Variants in CDT1 observed in about 807,000 individuals in gnomAD.
CDT1 encodes chromatin licensing and DNA replication factor 1, also known as DNA replication factor Cdt1.
Under a neutral mutation model 49.3 loss-of-function variants are expected in CDT1, and 66 were observed. The observed-to-expected ratio is 1.34, with a 90% CI of 1.10 to 1.64. CDT1 has a LOEUF of 1.64. Among genes scored for constraint, CDT1 ranks in the 40% most tolerant of loss-of-function variants. The probability of loss-of-function intolerance (pLI) is 0.00; values close to 1 mark genes in which losing one functional copy is unlikely to be tolerated. For synonymous variants in CDT1, 424 were observed against 347.4 expected (o/e 1.22, Z -2.45); for missense variants, 958 against 807.7 (o/e 1.19, Z -2.26).
Position 88,808,365 on chromosome 16 carries a change from T to G in CDT1, c.*87T>G, listed in dbSNP as rs562482200. 20 of 1,450,204 alleles carry G rather than the reference T, an allele frequency of 1.4e-5. No homozygotes were observed. The African/African-American group carries it at 2.7e-4, about 19-fold the overall frequency. 89.8% of individuals were successfully genotyped at this position (1,450,204 alleles called of 1,614,324 possible). A position where few individuals can be genotyped will look rare whatever the true frequency, so the allele number is the denominator to read the frequency against. ...ATTTTCTTTTATGAACATGATACAC[T>G]TTGGCCTTCCTTTCCCCAGCGCCCC... On this transcript the variant is annotated 3_prime_UTR_variant, in exon 10 of 10. Transcript: ENST00000301019.
In CDT1 at chr16:88,804,192, C is replaced by T. The variant is rs1022140368; in HGVS notation, c.228+133C>T. On this transcript the variant is annotated intron_variant, in intron 1 of 9. Coordinates refer to ENST00000301019, the MANE Select transcript of CDT1 (RefSeq NM_030928.4). The stretch of plus-strand genomic sequence containing the variant: ...GGCGGGGGGGACGGGGCGCAGGGAA[C>T]TCTGGGACAGGCCGGGGGATCCTGG... 14 of 720,264 alleles carry T rather than the reference C, an allele frequency of 1.9e-5. No homozygotes were observed. In the East Asian group the frequency reaches 4.1e-4, roughly 21 times the overall value. 44.6% of individuals were successfully genotyped at this position (720,264 alleles called of 1,614,324 possible). A position where few individuals can be genotyped will look rare whatever the true frequency, so the allele number is the denominator to read the frequency against.
rs566235264 is a variant in CDT1, at chr16:88,806,018, C to T, written c.833-3C>T. ...GGGACTTAGGCCTGGACTCGTCCCACAGAGGCTGACGGAGCAGCCCCCCAG... is the reference window on the plus strand; with the variant it reads ...GGGACTTAGGCCTGGACTCGTCCCATAGAGGCTGACGGAGCAGCCCCCCAG... On this transcript the variant is annotated splice_polypyrimidine_tract_variant and splice_region_variant and intron_variant, in intron 5 of 9. Coordinates refer to ENST00000301019, the MANE Select transcript of CDT1 (RefSeq NM_030928.4). The T allele has an allele frequency of 1.0e-4, 161 of 1,589,290 alleles. 6 individuals are homozygous for T. In the South Asian group the frequency reaches 1.8e-3, roughly 18 times the overall value.
Position 88,806,118 on chromosome 16 carries a change from C to T in CDT1, c.930C>T (p.His310=). 1 of 1,596,038 alleles carries T rather than the reference C, an allele frequency of 6.3e-7. No homozygotes were observed. Among genetic ancestry groups the T allele is most frequent in the Admixed American group, 1.7e-5 (1 of 58,974 alleles). ...QKLVEHVKEH[H]KAFLASLSPA... is the part of the protein sequence containing the mutation. ...TGGTGGAGCATGTCAAGGAGCACCA[C>T]AAGGTGAGCGGCCCCCGGCCCCGCT... is the stretch of plus-strand genomic sequence containing the variant. Residue 310 remains histidine, a synonymous_variant, in exon 6 of 10, where the codon CAC becomes CAT. Coordinates refer to ENST00000301019, the MANE Select transcript of CDT1 (RefSeq NM_030928.4).
chr16:88,806,989 GCAGA>G, intron 7 of CDT1, 58 bp from the exon 8 acceptor site: 5 of 1,604,702 alleles, frequency 3.1e-6, no homozygotes, highest in Non-Finnish European at 4.3e-6. Context: ...GGACTCCTGG[GCAGA>G]CAGCCAGGGG....
At chr16:88,804,446 C>A in intron 1 of CDT1, 99 bp from the exon 2 acceptor site, 1 of 1,469,434 alleles carries the variant, frequency 6.8e-7, no homozygotes, top group Non-Finnish European at 9.3e-7. Context: ...CATGCCCGTC[C>A]CAGTTAACTC....
intron 9 of CDT1, among the ~76,000 whole-genome samples, chr16:88,807,832 C>T (rs746871043): frequency 3.3e-4 from 51 of 152,342 alleles, no homozygotes; most frequent in Non-Finnish European, 5.1e-4. Flanking sequence ...GGGGTCCTGA[C>T]GCTACAGGGC....
intron 3 of CDT1, among the ~76,000 whole-genome samples, chr16:88,805,169 CCT>C (rs949178009): frequency 9.2e-5 from 14 of 152,266 alleles, no homozygotes; most frequent in African/African-American, 3.4e-4. Flanking sequence ...TGCCTCTGCC[CCT>C]GAGAGCTGAC....
rs367849928 is a variant in CDT1 at position 88,804,883 on chromosome 16, G to A, written c.473G>A (p.Arg158His). The change falls in exon 3 of 10, where the codon CGC (arginine) becomes CAC (histidine). Residue 158 changes from arginine (R) to histidine (H), a missense_variant. Physicochemically the swap from Arg to His is conservative, Grantham distance 29. Transcript: ENST00000301019. ...GESCTPEAEG[R>H]PEEPCGEKAP... ...TCCTGCACCCCAGAGGCCGAGGGCC[G>A]CCCTGAGGAGCCATGGTGAGTGCTG... is the stretch of plus-strand genomic sequence containing the variant. The A allele has an allele frequency of 9.6e-5, 151 of 1,578,644 alleles. 1 individual carries two copies. In the Middle Eastern group the frequency reaches 1.7e-3, roughly 17 times the overall value.
rs541685901 is a variant in CDT1 at position 88,807,552 on chromosome 16, TTC to T, written c.1477+72_1477+73del. The stretch of plus-strand genomic sequence containing the variant: ...TGGTGCTGCAGCTGCCTCCCCAGCT[TTC>T]TGAGCAGAGGTGTCTGTCACTGATC... On this transcript the variant is annotated intron_variant, in intron 9 of 9. Coordinates refer to ENST00000301019, the MANE Select transcript of CDT1 (RefSeq NM_030928.4). 9,816 of 1,416,256 alleles carry T rather than the reference TTC, an allele frequency of 6.9e-3. 40 individuals are homozygous for T. The highest frequency in any genetic ancestry group is 8.3e-3 in the Non-Finnish European group (8,395 of 1,015,866). The allele number at this position is 1,416,256 out of a possible 1,614,324, so 87.7% of individuals were successfully genotyped here.
Position 88,804,199 on chromosome 16 carries a change from A to T in CDT1, c.228+140A>T, listed in dbSNP as rs2142941235. On this transcript the variant is annotated intron_variant, in intron 1 of 9. Coordinates refer to ENST00000301019, the MANE Select transcript of CDT1 (RefSeq NM_030928.4). ...GGGACGGGGCGCAGGGAACTCTGGG[A>T]CAGGCCGGGGGATCCTGGGGGCGCC... 3 of 686,912 alleles carry T rather than the reference A, an allele frequency of 4.4e-6. No individual in the cohort carries two copies. The East Asian group carries it at 1.0e-4, about 24-fold the overall frequency. 42.6% of individuals were successfully genotyped at this position (686,912 alleles called of 1,614,324 possible).
Position 88,804,801 on chromosome 16 carries a change from CG to C in CDT1, c.394del (p.Glu132SerfsTer9). The stretch of plus-strand genomic sequence containing the variant: ...GCTTGCGTCATGCCTGCAACGGGCC[CG>C]GGAGCTGGGGGCAAGAGTCCGGGCG... The part of the protein sequence containing the change: ...SELASCLQRA[R>X]ELGARVRALK... On this transcript the variant is annotated frameshift_variant, in exon 3 of 10. Coordinates refer to ENST00000301019, the MANE Select transcript of CDT1 (RefSeq NM_030928.4). LOFTEE classifies it high-confidence loss of function. 1.9e-6 allele frequency: 3 copies of C among 1,612,738 alleles called. No individual in the cohort carries two copies. Among genetic ancestry groups the C allele is most frequent in the Non-Finnish European group, 2.5e-6 (3 of 1,179,868 alleles).
chr16:88,803,952 G>C lies in CDT1; in HGVS notation c.121G>C (p.Ala41Pro). ...SPARPALRAP[A>P]SATSGSRKRA... Reference sequence around the variant, plus strand: ...CGCCAGGCCCGCACTCCGCGCCCCGGCCTCCGCTACCAGTGGCAGCCGCAA... The same window carrying C: ...CGCCAGGCCCGCACTCCGCGCCCCGCCCTCCGCTACCAGTGGCAGCCGCAA... Residue 41 changes from alanine to proline, a missense_variant, in exon 1 of 10, where the codon GCC (alanine) becomes CCC (proline). Ala to Pro is a conservative substitution (Grantham distance 27). Transcript: ENST00000301019. 7.1e-7 allele frequency: 1 copy of C among 1,412,152 alleles called. No homozygotes were observed. The highest frequency in any genetic ancestry group is 1.5e-5 in the African/African-American group (1 of 65,870). The allele number at this position is 1,412,152 out of a possible 1,614,324, so 87.5% of individuals were successfully genotyped here.
rs1567503092 is a variant in CDT1, at chr16:88,808,141, C to T, written c.1504C>T (p.Leu502Phe). ...GGAAATGGAGAAGCACCTGCTGCTC[C>T]TCTCCGAGCTGCTGCCGGACTGGCT... is the stretch of plus-strand genomic sequence containing the variant. Reference protein sequence around the residue: ...PGEMEKHLLLLSELLPDWLSL... With the variant: ...PGEMEKHLLLFSELLPDWLSL... The change falls in exon 10 of 10, where the codon CTC becomes TTC. Residue 502 changes from leucine to phenylalanine, a missense_variant. Transcript: ENST00000301019. The T allele has an allele frequency of 6.2e-7, 1 of 1,612,768 alleles. No homozygotes were observed. Among genetic ancestry groups the T allele is most frequent in the East Asian group, 2.2e-5 (1 of 44,876 alleles).
At chr16:88,807,647 T>C (rs903236572) in intron 9 of CDT1, among the ~76,000 whole-genome samples, 165 bp downstream of exon 9, 5 of 152,176 alleles carry the variant, frequency 3.3e-5, no homozygotes, top group Non-Finnish European at 7.4e-5. Context: ...TCTGCCCTCC[T>C]TGGAGCCACC....
intron 9 of CDT1, 104 bp downstream of exon 9, chr16:88,807,586 G>C: frequency 8.6e-7 from 1 of 1,157,592 alleles, no homozygotes; most frequent in Non-Finnish European, 1.3e-6. Flanking sequence ...GATCTGTTCT[G>C]TTCAGATGTG....
chr16:88,807,268 G>C lies in CDT1; in HGVS notation c.1276-13G>C, dbSNP rs752344763. On this transcript the variant is annotated splice_polypyrimidine_tract_variant and intron_variant, in intron 8 of 9. Coordinates refer to ENST00000301019, the MANE Select transcript of CDT1 (RefSeq NM_030928.4). The stretch of plus-strand genomic sequence containing the variant: ...CCTGCTGCCCACTAACCAGGTCCCG[G>C]TACCTGCTGCAGATCCGAGCCAAGG... 25 of 1,611,698 alleles carry C rather than the reference G, an allele frequency of 1.6e-5. No homozygotes were observed. The highest frequency in any genetic ancestry group is 2.0e-5 in the Non-Finnish European group (24 of 1,179,808).
In CDT1 at chr16:88,804,571, C is replaced by T. The variant is rs1307454251; in HGVS notation, c.255C>T (p.Ala85=). The part of the protein sequence containing the change: ...DEVSSPSTPE[A]PDIPACPSPG... The stretch of plus-strand genomic sequence containing the variant: ...TTTCCAGCCCCAGTACCCCCGAGGC[C>T]CCAGACATCCCAGCCTGCCCTTCTC... Residue 85 remains alanine, a synonymous_variant, in exon 2 of 10, where the codon GCC becomes GCT. Transcript: ENST00000301019. The T allele has an allele frequency of 6.2e-7, 1 of 1,613,008 alleles. No homozygotes were observed. The highest frequency in any genetic ancestry group is 1.7e-5 in the Admixed American group (1 of 60,006).
At position 88,807,253 on chromosome 16, in the gene CDT1, A is replaced by G. The variant is rs1294772266; in HGVS notation, c.1276-28A>G. 4.3e-6 allele frequency: 7 copies of G among 1,611,346 alleles called. No homozygotes were observed. In the East Asian group the frequency reaches 1.3e-4, roughly 31 times the overall value. On this transcript the variant is annotated intron_variant, in intron 8 of 9. Coordinates refer to ENST00000301019, the MANE Select transcript of CDT1 (RefSeq NM_030928.4). The stretch of plus-strand genomic sequence containing the variant: ...GTGGGCGCCTGGTGACCTGCTGCCC[A>G]CTAACCAGGTCCCGGTACCTGCTGC...
At position 88,808,428 on chromosome 16, in the gene CDT1, GC is replaced by G. The variant is rs1908956538; in HGVS notation, c.*153del. 1.1e-6 allele frequency: 1 copy of G among 895,480 alleles called. No homozygotes were observed. Among genetic ancestry groups the G allele is most frequent in the African/African-American group, 1.7e-5 (1 of 59,046 alleles). The allele number at this position is 895,480 out of a possible 1,614,324, so 55.5% of individuals were successfully genotyped here. A position where few individuals can be genotyped will look rare whatever the true frequency, so the allele number is the denominator to read the frequency against. On this transcript the variant is annotated 3_prime_UTR_variant, in exon 10 of 10. Transcript: ENST00000301019. Reference sequence around the variant, plus strand: ...GCAGATGTGGGCTGCAGGCTGCACAGCCCGAGGGTCTCTGGCTGCGGGCGGT... The same window carrying G: ...GCAGATGTGGGCTGCAGGCTGCACAGCCGAGGGTCTCTGGCTGCGGGCGGT...
Sources: allele counts gnomAD v4.1 joint callset (sites outside exome capture counted in the v4.1 genomes callset), GRCh38; gene constraint gnomAD v4.1.1; transcripts MANE v1.5; gene names NCBI Gene and HGNC (gene_info 2026-07-23, HGNC 2026-07-21).